Variants in IFT140 observed in about 807,000 individuals in gnomAD.
IFT140 encodes the protein intraflagellar transport protein 140 homolog.
In IFT140, 133 loss-of-function variants were observed where a neutral mutation model predicts 164.6. That is an observed-to-expected ratio of 0.81 (90% CI 0.70 to 0.93). The LOEUF (loss-of-function observed/expected upper bound fraction) is 0.93. Among genes scored for constraint, IFT140 ranks in the 40% least tolerant of loss-of-function variants. The pLI is 0.00. For synonymous variants in IFT140, 860 were observed against 817.3 expected, an observed-to-expected ratio of 1.05 and a Z score of -0.89; for missense variants, 2,045 against 1,972.3, an observed-to-expected ratio of 1.04 and a Z score of -0.70.
chr16:1,525,830 C>T, intron 21 of IFT140, 57 bp downstream of exon 21: 1 of 1,452,074 alleles, frequency 6.9e-7, no homozygotes. Context: ...CACAAGAGGC[C>T]TCACAAGCCA....
In IFT140 at chr16:1,583,347, A is replaced by T; in HGVS notation, c.1399T>A (p.Phe467Ile). The T allele has an allele frequency of 6.2e-7, 1 of 1,614,200 alleles. No homozygotes were observed. Among genetic ancestry groups the T allele is most frequent in the Non-Finnish European group, 8.5e-7 (1 of 1,180,038 alleles). ...CGTATCGCGGCTCCAGAAAGCTCGA[A>T]GATCGCCACCTGCCTTCCGTTCCAG... ...AVWNGRQVAI[F>I]ELSGAAIRSA... Residue 467 changes from phenylalanine (F) to isoleucine (I), a missense_variant, in exon 12 of 31, where the codon TTC becomes ATC. Coordinates refer to ENST00000426508, the MANE Select transcript of IFT140 (RefSeq NM_014714.4).
At chr16:1,535,047 TA>T (rs962428330) in intron 19 of IFT140, among the ~76,000 whole-genome samples, 25 of 148,366 alleles carry the variant, frequency 1.7e-4, no homozygotes, top group Non-Finnish European at 3.1e-4. Flanking sequence ...TCTCTGAACA[TA>T]AAAAAAAAAT....
intron 19 of IFT140, among the ~76,000 whole-genome samples, chr16:1,538,707 C>T (rs1359537704): frequency 6.6e-6 from 1 of 152,204 alleles, no homozygotes; most frequent in Non-Finnish European, 1.5e-5. Flanking sequence ...TGGCACAGCA[C>T]CGTGCCACAG....
intron 4 of IFT140, among the ~76,000 whole-genome samples, chr16:1,601,615 C>T (rs577976699): frequency 2.0e-5 from 3 of 152,334 alleles, no homozygotes; most frequent in African/African-American, 7.2e-5. Flanking sequence ...AGGGTGGATG[C>T]GTGTCCTTGC....
rs750485366 is a variant in IFT140 at position 1,602,391 on chromosome 16, G to C, written c.348C>G (p.Asn116Lys). 6 of 1,614,228 alleles carry C rather than the reference G, an allele frequency of 3.7e-6. No individual in the cohort carries two copies. The highest frequency in any genetic ancestry group is 1.1e-5 in the South Asian group (1 of 91,082). Residue 116 changes from asparagine (N) to lysine (K), a missense_variant, in exon 4 of 31, where the codon AAC becomes AAG. Transcript: ENST00000426508. ...TCACCCTGTCCCCAGACAGCAGGCAGTTTCCACTGGGGCTCCAACGGAGCA... is the reference window on the plus strand; with the variant it reads ...TCACCCTGTCCCCAGACAGCAGGCACTTTCCACTGGGGCTCCAACGGAGCA... Reference protein sequence around the residue: ...ITVLRWSPSGNCLLSGDRLGV... With the variant: ...ITVLRWSPSGKCLLSGDRLGV...
chr16:1,586,883 T>C (rs2034913068), intron 9 of IFT140, among the ~76,000 whole-genome samples: 2 of 152,270 alleles, frequency 1.3e-5, no homozygotes, highest in South Asian at 4.1e-4. Context: ...ATTTTTGTAT[T>C]TTTTGTGGAG....
chr16:1,603,133 G>C (rs989652951), intron 3 of IFT140, among the ~76,000 whole-genome samples: 5 of 152,086 alleles, frequency 3.3e-5, no homozygotes, highest in Non-Finnish European at 5.9e-5. Flanking sequence ...TGGCAACCCC[G>C]ACCAGCTTCT....
In IFT140 at chr16:1,562,048, G is replaced by A. The variant is rs1443166637; in HGVS notation, c.2136C>T (p.Pro712=). 6.2e-7 allele frequency: 1 copy of A among 1,612,240 alleles called. No homozygotes were observed. The highest frequency in any genetic ancestry group is 1.1e-5 in the South Asian group (1 of 90,456). ...GGAGACTGTGGGAGGTGGCAGGCCG[G>A]GGGAAGCTCTCATGAAGCAGGAAGC... ...EHGFLLHESF[P]RPATSHSLLG... is the part of the protein sequence containing the mutation. The change falls in exon 18 of 31, where the codon CCC becomes CCT. Residue 712 remains proline, a synonymous_variant. Transcript: ENST00000426508.
intron 13 of IFT140, among the ~76,000 whole-genome samples, chr16:1,575,974 G>C (rs779050150): frequency 3.9e-5 from 6 of 152,158 alleles, no homozygotes; most frequent in Non-Finnish European, 8.8e-5. Flanking sequence ...CCACTTACAT[G>C]AACTTCTTTT....
chr16:1,519,408 C>T (rs2040453971), intron 29 of IFT140, among the ~76,000 whole-genome samples: 1 of 152,174 alleles, frequency 6.6e-6, no homozygotes, highest in African/African-American at 2.4e-5. Flanking sequence ...GCATCTTGGC[C>T]TCTCCTGAAA....
Position 1,564,996 on chromosome 16 carries a change from C to T in IFT140, c.1902-834G>A, listed in dbSNP as rs1156860048. On this transcript the variant is annotated intron_variant, in intron 16 of 30. Transcript: ENST00000426508. The surrounding 1 kb of genome is among the most constrained non-coding windows in gnomAD (Gnocchi z 5.5). ...AGGCGGCTCTGAGGCCCAGAGAGCC[C>T]GGGGACACAAGCTGGTTCCCGTGAG... Among the ~76,000 whole-genome samples the T allele has an allele frequency of 6.6e-6, 1 of 152,106 alleles. No individual in the cohort carries two copies. Among genetic ancestry groups the T allele is most frequent in the African/African-American group, 2.4e-5 (1 of 41,404 alleles).
chr16:1,540,863 C>T (rs959747756), intron 19 of IFT140: 2 of 985,328 alleles, frequency 2.0e-6, no homozygotes, highest in Non-Finnish European at 2.4e-6. Flanking sequence ...AGGCTAGGGA[C>T]TCTGTGGGGC....
At chr16:1,554,879 G>A (rs767083794) in intron 19 of IFT140, 1 of 1,614,244 alleles carries the variant, frequency 6.2e-7, no homozygotes, top group Non-Finnish European at 8.5e-7. Flanking sequence ...CCTGCCTTCT[G>A]GCCACGCTGG....
Position 1,583,536 on chromosome 16 carries a change from G to A in IFT140, c.1360-150C>T. 4.9e-6 allele frequency: 3 copies of A among 617,540 alleles called. No individual in the cohort carries two copies. In the East Asian group the frequency reaches 8.5e-5, roughly 17 times the overall value. 38.3% of individuals were successfully genotyped at this position (617,540 alleles called of 1,614,324 possible). A position where few individuals can be genotyped will look rare whatever the true frequency, so the allele number is the denominator to read the frequency against. ...ACTATGAGATCACTGGGTCCTCTGTGGACAGGCTGAGGCTGTTTTCCGTGT... is the reference window on the plus strand; with the variant it reads ...ACTATGAGATCACTGGGTCCTCTGTAGACAGGCTGAGGCTGTTTTCCGTGT... On this transcript the variant is annotated intron_variant, in intron 11 of 30. Coordinates refer to ENST00000426508, the MANE Select transcript of IFT140 (RefSeq NM_014714.4).
chr16:1,557,350 G>A (rs1007581991), intron 19 of IFT140, among the ~76,000 whole-genome samples: 3 of 152,206 alleles, frequency 2.0e-5, no homozygotes, highest in East Asian at 1.9e-4. Context: ...GCACCCTCTC[G>A]GACACCTGTG....
intron 2 of IFT140, among the ~76,000 whole-genome samples, chr16:1,608,229 C>T (rs1485190044): frequency 1.3e-5 from 2 of 152,152 alleles, no homozygotes; most frequent in South Asian, 2.1e-4. Flanking sequence ...CCTTTTCAGG[C>T]GGGTTAGGGT....
In IFT140 at chr16:1,553,996, C is replaced by G; in HGVS notation, c.2399+3939G>C. On this transcript the variant is annotated intron_variant, in intron 19 of 30. Coordinates refer to ENST00000426508, the MANE Select transcript of IFT140 (RefSeq NM_014714.4). This position sits in a 1 kb window ranked among gnomAD's most constrained non-coding sequence, Gnocchi z 4.4. ...ACTAGACGGGAACAAGCTGCGCCAA[C>G]CAAGGGTTGCTCACGGCCCACCTCT... The G allele has an allele frequency of 7.8e-7, 1 of 1,287,190 alleles. No homozygotes were observed. The highest frequency in any genetic ancestry group is 1.0e-6 in the Non-Finnish European group (1 of 988,676). The allele number at this position is 1,287,190 out of a possible 1,614,324, so 79.7% of individuals were successfully genotyped here. A position where few individuals can be genotyped will look rare whatever the true frequency, so the allele number is the denominator to read the frequency against.
chr16:1,612,066 C>T lies in IFT140; in HGVS notation c.-320G>A, dbSNP rs1473767458. ...TTTTCTTCTCACGTATCCGTCAACA[C>T]TGCTGCGGCCAATCACAGCACGGGC... On this transcript the variant is annotated 5_prime_UTR_variant, in exon 1 of 31. In the 5' UTR this introduces an upstream ATG that the reference lacks. Coordinates refer to ENST00000426508, the MANE Select transcript of IFT140 (RefSeq NM_014714.4). 6.6e-6 allele frequency: 1 copy of T among 152,282 alleles called. No individual in the cohort carries two copies. The highest frequency in any genetic ancestry group is 1.5e-5 in the Non-Finnish European group (1 of 68,074). The allele number at this position is 152,282 out of a possible 1,614,324, so 9.4% of individuals were successfully genotyped here.
At chr16:1,536,006 G>T (rs963060485) in intron 19 of IFT140, among the ~76,000 whole-genome samples, 3 of 152,226 alleles carry the variant, frequency 2.0e-5, no homozygotes, top group African/African-American at 7.2e-5. Flanking sequence ...TGAACCTCTC[G>T]CGGGGGCAGC....
Sources: allele counts gnomAD v4.1 joint callset (sites outside exome capture counted in the v4.1 genomes callset), GRCh38; gene constraint gnomAD v4.1.1; non-coding constraint Gnocchi (gnomAD v3.1); transcripts MANE v1.5; gene names NCBI Gene and HGNC (gene_info 2026-07-23, HGNC 2026-07-21).